MCC: variants seen among roughly 807,000 people sequenced by gnomAD.
The protein encoded by MCC is colorectal mutant cancer protein.
MCC carries 90 observed loss-of-function variants against 116.2 expected under a neutral mutation model. The observed-to-expected ratio is 0.77, with a 90% CI of 0.65 to 0.92. MCC has a LOEUF of 0.92. MCC is among the 40% of genes least tolerant of loss of function. The pLI is 0.00. For missense variants in MCC, 1,516 were observed against 1,312.2 expected (o/e 1.16, Z -2.40); for synonymous variants, 578 against 510.5 (o/e 1.13, Z -1.78).
intron 3 of MCC, among the ~76,000 whole-genome samples, chr5:113,247,822 A>G (rs1431343509): frequency 6.6e-6 from 1 of 152,168 alleles, no homozygotes; most frequent in Non-Finnish European, 1.5e-5. Flanking sequence ...AACCAGAGGG[A>G]GGGATGATAG....
chr5:113,192,592 A>G (rs1321563608), intron 3 of MCC, among the ~76,000 whole-genome samples: 1 of 152,232 alleles, frequency 6.6e-6, no homozygotes, highest in Admixed American at 6.5e-5. Context: ...TGAAACTAAC[A>G]GTGTGATGTG....
chr5:113,301,604 C>T (rs943443392), intron 3 of MCC, among the ~76,000 whole-genome samples: 1 of 152,054 alleles, frequency 6.6e-6, no homozygotes, highest in Non-Finnish European at 1.5e-5. Context: ...GGAGAGTAGG[C>T]CCCTTAAGTG....
At chr5:113,162,386 T>C (rs987498096) in intron 3 of MCC, among the ~76,000 whole-genome samples, 3 of 152,184 alleles carry the variant, frequency 2.0e-5, no homozygotes, top group African/African-American at 7.2e-5. Flanking sequence ...ATCTTTAAAA[T>C]GGGAACAACA....
chr5:113,403,320 C>T (rs26965), intron 1 of MCC, among the ~76,000 whole-genome samples: 19,655 of 152,038 alleles, frequency 0.13, 1,487 homozygotes, highest in African/African-American at 0.16. Context: ...TTTCAGTATT[C>T]GTAAACACTG....
intron 1 of MCC, among the ~76,000 whole-genome samples, chr5:113,403,606 TGA>T (rs1561553994): frequency 1.3e-5 from 2 of 152,142 alleles, no homozygotes; most frequent in Admixed American, 6.5e-5. Context: ...CAATAGTGGC[TGA>T]GAGAGAGGTG....
At chr5:113,304,250 G>A (rs992081992) in intron 3 of MCC, among the ~76,000 whole-genome samples, 4 of 152,194 alleles carry the variant, frequency 2.6e-5, no homozygotes, top group African/African-American at 9.7e-5. Context: ...CTAAAAAATA[G>A]TTGGGATGCA....
At chr5:113,178,583 G>A (rs1442175987) in intron 3 of MCC, among the ~76,000 whole-genome samples, 1 of 152,154 alleles carries the variant, frequency 6.6e-6, no homozygotes, top group African/African-American at 2.4e-5. Flanking sequence ...TCTGGCCCTT[G>A]CAGAGATAGC....
At chr5:113,068,204 C>T (rs1753760681) in intron 12 of MCC, 21 bp from the exon 13 acceptor site, 2 of 1,592,954 alleles carry the variant, frequency 1.3e-6, no homozygotes, top group Non-Finnish European at 1.7e-6. Context: ...GCACATGGGG[C>T]CTCAGCCCTT....
At chr5:113,228,030 G>T (rs1365177769) in intron 3 of MCC, among the ~76,000 whole-genome samples, 1 of 152,198 alleles carries the variant, frequency 6.6e-6, no homozygotes, top group African/African-American at 2.4e-5. Flanking sequence ...CAAGGTATAT[G>T]CTTTAGCCCC....
chr5:113,065,063 G>C (rs1416392064), intron 13 of MCC, among the ~76,000 whole-genome samples: 1 of 152,092 alleles, frequency 6.6e-6, no homozygotes, highest in Non-Finnish European at 1.5e-5. Context: ...TGAATAGGTG[G>C]AGCCAGAGAA....
At chr5:113,069,868 G>C (rs960556133) in intron 12 of MCC, among the ~76,000 whole-genome samples, 2 of 152,224 alleles carry the variant, frequency 1.3e-5, no homozygotes, top group Non-Finnish European at 2.9e-5. Context: ...TTCCAGGCGT[G>C]AGCCACCGCG....
intron 1 of MCC, among the ~76,000 whole-genome samples, chr5:113,469,624 AGGTGT>A (rs1360374783): frequency 6.6e-6 from 1 of 152,160 alleles, no homozygotes; most frequent in Non-Finnish European, 1.5e-5. Flanking sequence ...ATTTTGGAGT[AGGTGT>A]GGTGTGGTGC....
intron 18 of MCC, 94 bp downstream of exon 18, chr5:113,028,840 A>G: frequency 7.1e-7 from 1 of 1,410,882 alleles, no homozygotes; most frequent in East Asian, 2.4e-5. Context: ...GAGTTAGGGA[A>G]ATGTCCATCC....
At chr5:113,069,774 G>A (rs141268727) in intron 12 of MCC, among the ~76,000 whole-genome samples, 1 of 152,084 alleles carries the variant, frequency 6.6e-6, no homozygotes, top group African/African-American at 2.4e-5. Flanking sequence ...TTTTAGTAGC[G>A]ACGGGGTTTC....
intron 3 of MCC, among the ~76,000 whole-genome samples, chr5:113,283,442 T>C (rs769215593): frequency 6.6e-6 from 1 of 152,146 alleles, no homozygotes; most frequent in Non-Finnish European, 1.5e-5. Flanking sequence ...CACTAACCAT[T>C]AGGGAAATGC....
intron 3 of MCC, among the ~76,000 whole-genome samples, chr5:113,285,745 A>G (rs1766230278): frequency 1.3e-5 from 2 of 152,108 alleles, no homozygotes; most frequent in South Asian, 4.2e-4. Context: ...AGCACATATC[A>G]CCACTGAACA....
rs145676753 is a variant in MCC, at chr5:113,431,724, G to A, written c.171-46512C>T. Among the ~76,000 whole-genome samples the A allele has an allele frequency of 3.4e-3, 501 of 147,240 alleles. 1 individual carries two copies. Among genetic ancestry groups the A allele is most frequent in the African/African-American group, 8.6e-3 (346 of 40,192 alleles). On this transcript the variant is annotated intron_variant, in intron 1 of 18. Transcript: ENST00000408903. The stretch of plus-strand genomic sequence containing the variant: ...AAAAGCTAACAGTGTGGCCAGGCGC[G>A]GTGGCTCACGCCTGTAATCCCAGCA...
chr5:113,111,610 G>T (rs1211259753), intron 6 of MCC, among the ~76,000 whole-genome samples: 3 of 152,134 alleles, frequency 2.0e-5, no homozygotes, highest in Non-Finnish European at 4.4e-5. Flanking sequence ...AGTGCTTTGG[G>T]TCTCTATTTA....
intron 1 of MCC, among the ~76,000 whole-genome samples, chr5:113,429,275 A>AAGAGAG (rs34689249): frequency 6.7e-6 from 1 of 149,970 alleles, no homozygotes; most frequent in African/African-American, 2.4e-5. Flanking sequence ...AAGAGACAGA[A>AAGAGAG]AGAGAGAGAG....
Sources: gnomAD v4.1 joint callset for allele counts (sites outside exome capture counted in the v4.1 genomes callset) on GRCh38, gnomAD v4.1.1 for gene constraint, MANE v1.5 for transcripts, NCBI Gene and HGNC (gene_info 2026-07-23, HGNC 2026-07-21) for gene names.